Variants in TNPO1 observed in about 807,000 individuals in gnomAD.
The protein encoded by TNPO1 is transportin-1.
Under a neutral mutation model 119.5 loss-of-function variants are expected in TNPO1, and 8 were observed. The ratio of observed to expected loss-of-function variants is 0.07; its 90% CI spans 0.04 to 0.12. TNPO1 has a LOEUF of 0.12. Among genes scored for constraint, TNPO1 ranks in the 10% least tolerant of loss-of-function variants. The pLI, the probability that TNPO1 is intolerant of heterozygous loss-of-function variation, is 1.00. For missense variants in TNPO1, 576 were observed against 1,089.8 expected (o/e 0.53, Z 6.64); for synonymous variants, 362 against 363.0 (o/e 1.00, Z 0.03).
At chr5:72,889,351 C>T (rs1488392617) in intron 13 of TNPO1, among the ~76,000 whole-genome samples, 1 of 152,156 alleles carries the variant, frequency 6.6e-6, no homozygotes, top group Admixed American at 6.5e-5. Context: ...AGCCACCGCG[C>T]CTGGCAGGGA....
chr5:72,883,071 T>C lies in TNPO1; in HGVS notation c.989T>C (p.Val330Ala). The stretch of plus-strand genomic sequence containing the variant: ...CTCTTAAAAAAACAACAGGGTGATG[T>C]TGAAGAAGACGAAACGATTCCTGAT... ...DIDIILLKGD[V>A]EEDETIPDSE... The change falls in exon 11 of 25, where the codon GTT becomes GCT. Residue 330 changes from valine (V) to alanine (A), a missense_variant. By Grantham distance (64) the Val-to-Ala change is moderately conservative (BLOSUM62 0). Around this residue, in one of 6 missense-constraint regions of TNPO1, gnomAD observed 310 missense variants for 583.0 expected, o/e 0.53. Transcript: ENST00000337273. 1 of 1,611,918 alleles carries C rather than the reference T, an allele frequency of 6.2e-7. No individual in the cohort carries two copies. The highest frequency in any genetic ancestry group is 2.2e-5 in the East Asian group (1 of 44,842).
At chr5:72,875,302 C>T (rs931710623) in intron 7 of TNPO1, among the ~76,000 whole-genome samples, 2 of 152,164 alleles carry the variant, frequency 1.3e-5, no homozygotes, top group African/African-American at 4.8e-5. Flanking sequence ...AGGGAATAGT[C>T]TTTTGTCTCT....
chr5:72,846,223 T>C (rs984122137), intron 1 of TNPO1, among the ~76,000 whole-genome samples: 2 of 152,220 alleles, frequency 1.3e-5, no homozygotes, highest in Non-Finnish European at 2.9e-5. Context: ...ATTTTTTTGC[T>C]GTGTTGTTGG....
At chr5:72,851,378 C>T (rs1413424866) in intron 3 of TNPO1, 59 bp downstream of exon 3, 4 of 983,708 alleles carry the variant, frequency 4.1e-6, no homozygotes, top group Non-Finnish European at 6.3e-6. Flanking sequence ...TTTAAATGTA[C>T]TGAGAATTAT....
At chr5:72,893,286 G>A (rs765124814) in intron 16 of TNPO1, 40 bp downstream of exon 16, 1 of 1,605,570 alleles carries the variant, frequency 6.2e-7, no homozygotes, top group Non-Finnish European at 8.5e-7. Flanking sequence ...TGACATGGTG[G>A]ACATTTTTCT....
chr5:72,870,315 A>G (rs1747292637), intron 6 of TNPO1, among the ~76,000 whole-genome samples: 1 of 151,162 alleles, frequency 6.6e-6, no homozygotes, highest in Non-Finnish European at 1.5e-5. Context: ...GGCGCATGCC[A>G]TCACTCCCAG....
chr5:72,863,287 C>G (rs367785038), intron 5 of TNPO1, among the ~76,000 whole-genome samples: 1 of 151,730 alleles, frequency 6.6e-6, no homozygotes, highest in Non-Finnish European at 1.5e-5. Flanking sequence ...CTGTCAACAA[C>G]AAAAAAACCC....
At chr5:72,870,025 G>T (rs1747257518) in intron 6 of TNPO1, among the ~76,000 whole-genome samples, 1 of 152,134 alleles carries the variant, frequency 6.6e-6, no homozygotes, top group Non-Finnish European at 1.5e-5. Context: ...AGGACAGTAG[G>T]AATGCCTTTT....
Position 72,912,887 on chromosome 5 carries a change from G to A in TNPO1, c.*4214G>A, listed in dbSNP as rs1489667345. ...ATGGTGCAAAAGCATTCTTCCCAGG[G>A]GAAGAGTGTATCATGCATAACTGCA... On this transcript the variant is annotated 3_prime_UTR_variant, in exon 25 of 25. Coordinates refer to ENST00000337273, the MANE Select transcript of TNPO1 (RefSeq NM_002270.4). The A allele has an allele frequency of 6.6e-6, 1 of 152,388 alleles. No homozygotes were observed. The highest frequency in any genetic ancestry group is 1.5e-5 in the Non-Finnish European group (1 of 67,890). 9.4% of individuals were successfully genotyped at this position (152,388 alleles called of 1,614,324 possible).
chr5:72,896,430 TA>T, intron 18 of TNPO1, 27 bp from the exon 19 acceptor site: 2 of 1,549,492 alleles, frequency 1.3e-6, no homozygotes, highest in South Asian at 2.2e-5. Context: ...TTGAAAAGTT[TA>T]CTACATAGTT....
intron 23 of TNPO1, among the ~76,000 whole-genome samples, chr5:72,904,943 AAG>A (rs1750039854): frequency 6.6e-6 from 1 of 152,220 alleles, no homozygotes; most frequent in African/African-American, 2.4e-5. Flanking sequence ...GCAGGCAAGA[AAG>A]AGAATGAGAA....
Position 72,910,146 on chromosome 5 carries a change from A to G in TNPO1, c.*1473A>G, listed in dbSNP as rs1579957287. ...TTAATGGATGTAATGCAGGGTTCCT[A>G]CACTGTATTTTGGCGCATGTTGGTG... On this transcript the variant is annotated 3_prime_UTR_variant, in exon 25 of 25. Coordinates refer to ENST00000337273, the MANE Select transcript of TNPO1 (RefSeq NM_002270.4). 1 of 152,650 alleles carries G rather than the reference A, an allele frequency of 6.6e-6. No individual in the cohort carries two copies. The highest frequency in any genetic ancestry group is 1.9e-4 in the East Asian group (1 of 5,184). 9.5% of individuals were successfully genotyped at this position (152,650 alleles called of 1,614,324 possible). A position where few individuals can be genotyped will look rare whatever the true frequency, so the allele number is the denominator to read the frequency against.
chr5:72,912,858 G>C lies in TNPO1; in HGVS notation c.*4185G>C, dbSNP rs1461000836. On this transcript the variant is annotated 3_prime_UTR_variant, in exon 25 of 25. Coordinates refer to ENST00000337273, the MANE Select transcript of TNPO1 (RefSeq NM_002270.4). ...ATTATTCATATTGAATGTATTAACA[G>C]ATAATGGTGCAAAAGCATTCTTCCC... The C allele has an allele frequency of 6.6e-6, 1 of 152,420 alleles. No homozygotes were observed. The highest frequency in any genetic ancestry group is 1.5e-5 in the Non-Finnish European group (1 of 67,900). The allele number at this position is 152,420 out of a possible 1,614,324, so 9.4% of individuals were successfully genotyped here.
At chr5:72,867,386 TTCTC>T (rs71614494) in intron 6 of TNPO1, among the ~76,000 whole-genome samples, 1 of 151,752 alleles carries the variant, frequency 6.6e-6, no homozygotes, top group African/African-American at 2.4e-5. Context: ...CTCTTAAGCG[TTCTC>T]TCTCAACGTA....
At chr5:72,858,539 A>G (rs1746170869) in intron 4 of TNPO1, among the ~76,000 whole-genome samples, 1 of 152,180 alleles carries the variant, frequency 6.6e-6, no homozygotes, top group South Asian at 2.1e-4. Flanking sequence ...GGGGCACAGC[A>G]TTAAGACTAA....
chr5:72,845,197 T>C (rs973014879), intron 1 of TNPO1, among the ~76,000 whole-genome samples: 1 of 152,110 alleles, frequency 6.6e-6, no homozygotes, highest in Non-Finnish European at 1.5e-5. Context: ...CTTCCTTTTT[T>C]TGAGACATTT....
In TNPO1 at chr5:72,908,742, TG is replaced by T. The variant is rs1278466698; in HGVS notation, c.*70del. On this transcript the variant is annotated 3_prime_UTR_variant, in exon 25 of 25. Coordinates refer to ENST00000337273, the MANE Select transcript of TNPO1 (RefSeq NM_002270.4). ...GTCTTGGAGACTATAAGGGAGCCTC[TG>T]CACCCAGGGAAAATGTTACCCTTTA... 4.8e-6 allele frequency: 1 copy of T among 210,382 alleles called. No homozygotes were observed. The highest frequency in any genetic ancestry group is 1.0e-5 in the Non-Finnish European group (1 of 99,042). 13.0% of individuals were successfully genotyped at this position (210,382 alleles called of 1,614,324 possible). A position where few individuals can be genotyped will look rare whatever the true frequency, so the allele number is the denominator to read the frequency against.
chr5:72,882,082 G>T (rs1748283851), intron 9 of TNPO1, among the ~76,000 whole-genome samples: 1 of 152,144 alleles, frequency 6.6e-6, no homozygotes. Flanking sequence ...TAGTGATCCA[G>T]ATACACCTGG....
At chr5:72,867,552 A>G (rs893931842) in intron 6 of TNPO1, among the ~76,000 whole-genome samples, 2 of 152,258 alleles carry the variant, frequency 1.3e-5, no homozygotes, top group Admixed American at 6.5e-5. Flanking sequence ...CATTCTCATC[A>G]TGGCCTACTC....
Sources: allele counts gnomAD v4.1 joint callset (sites outside exome capture counted in the v4.1 genomes callset), GRCh38; gene constraint gnomAD v4.1.1; regional missense constraint gnomAD v4.1.1; transcripts MANE v1.5; gene names NCBI Gene and HGNC (gene_info 2026-07-23, HGNC 2026-07-21).